The following CATSPERT variants were observed in gnomAD, a reference collection of about 807,000 sequenced individuals.
CATSPERT encodes catsper channel auxiliary subunit tau, also known as cation channel sperm-associated targeting subunit tau.
At chr2:201,574,590 GA>G in the CATSPERT span, among the ~76,000 whole-genome samples, 1 of 152,030 alleles carries the variant, frequency 6.6e-6, no homozygotes, top group African/African-American at 2.4e-5. Context: ...ACATGTGTAT[GA>G]ATATACAAAT....
At chr2:201,598,204 C>G in the CATSPERT span, among the ~76,000 whole-genome samples, 7 of 152,198 alleles carry the variant, frequency 4.6e-5, no homozygotes, top group African/African-American at 1.7e-4. Flanking sequence ...TGGGTGCAAG[C>G]CATCCTCTGC....
the CATSPERT span, among the ~76,000 whole-genome samples, chr2:201,565,235 C>T: frequency 6.6e-6 from 1 of 151,586 alleles, no homozygotes; most frequent in Non-Finnish European, 1.5e-5. Flanking sequence ...CTTTCGGAGG[C>T]TGAGACTGGA....
chr2:201,547,914 GTTA>G, the CATSPERT span, among the ~76,000 whole-genome samples: 2 of 151,886 alleles, frequency 1.3e-5, no homozygotes, highest in Admixed American at 1.3e-4. Context: ...ACACAATGGC[GTTA>G]TTATCATTAT....
At chr2:201,493,458 C>G in the CATSPERT span, 1 of 1,537,134 alleles carries the variant, frequency 6.5e-7, no homozygotes, top group Non-Finnish European at 8.7e-7. Flanking sequence ...AAGTGATCCC[C>G]GTACCCAGCA....
chr2:201,492,164 G>A, the CATSPERT span: 1 of 1,525,070 alleles, frequency 6.6e-7, no homozygotes. Flanking sequence ...AAAGTGGTTT[G>A]TTGAACAATT....
At chr2:201,565,765 A>G in the CATSPERT span, 3 of 1,600,592 alleles carry the variant, frequency 1.9e-6, no homozygotes, top group Non-Finnish European at 1.7e-6. Context: ...TTCAAGTCGC[A>G]CTACAGATGG....
chr2:201,595,160 T>C, the CATSPERT span, among the ~76,000 whole-genome samples: 1 of 151,544 alleles, frequency 6.6e-6, no homozygotes, highest in Admixed American at 6.6e-5. Flanking sequence ...GTTTTTGGTG[T>C]GGATGTCCTT....
the CATSPERT span, among the ~76,000 whole-genome samples, chr2:201,520,307 A>G: frequency 6.6e-6 from 1 of 152,246 alleles, no homozygotes; most frequent in South Asian, 2.1e-4. Flanking sequence ...ACTACATCAT[A>G]GACCAAAGGG....
the CATSPERT span, among the ~76,000 whole-genome samples, chr2:201,600,755 CTTTT>C: frequency 7.0e-6 from 1 of 142,570 alleles, no homozygotes. Context: ...TAATGTCATT[CTTTT>C]TTTTTTTTTT....
the CATSPERT span, among the ~76,000 whole-genome samples, chr2:201,507,879 A>C: frequency 6.6e-6 from 1 of 152,162 alleles, no homozygotes; most frequent in Admixed American, 6.5e-5. Flanking sequence ...GAGCAAGCAA[A>C]GGGGGAAGTG....
the CATSPERT span, among the ~76,000 whole-genome samples, chr2:201,566,418 A>G: frequency 1.5e-5 from 2 of 130,570 alleles, no homozygotes; most frequent in Non-Finnish European, 3.1e-5. Flanking sequence ...AAGTGTTCTC[A>G]TTGTTCAATT....
the CATSPERT span, among the ~76,000 whole-genome samples, chr2:201,574,737 G>A: frequency 6.6e-6 from 1 of 152,124 alleles, no homozygotes; most frequent in African/African-American, 2.4e-5. Flanking sequence ...GGGCATGAGA[G>A]GTAATAAAGT....
chr2:201,611,134 TA>T, the CATSPERT span, among the ~76,000 whole-genome samples: 2 of 151,876 alleles, frequency 1.3e-5, no homozygotes, highest in African/African-American at 4.8e-5. Context: ...AGAAAAAAAA[TA>T]AAAGGCATCC....
chr2:201,529,277 C>G, the CATSPERT span, among the ~76,000 whole-genome samples: 1 of 151,984 alleles, frequency 6.6e-6, no homozygotes, highest in Non-Finnish European at 1.5e-5. Flanking sequence ...CCATAAAATA[C>G]CCCAAACAGC....
At chr2:201,612,884 C>T in the CATSPERT span, among the ~76,000 whole-genome samples, 5 of 152,278 alleles carry the variant, frequency 3.3e-5, no homozygotes, top group South Asian at 2.1e-4. Context: ...CCTTAGCAAA[C>T]GGCACACCAG....
the CATSPERT span, among the ~76,000 whole-genome samples, chr2:201,584,304 T>C: frequency 1.3e-5 from 2 of 150,936 alleles, no homozygotes; most frequent in Non-Finnish European, 1.5e-5. Context: ...AAACTAATAG[T>C]AATAAAATAA....
chr2:201,490,421 A>G, the CATSPERT span, among the ~76,000 whole-genome samples: 789 of 152,344 alleles, frequency 5.2e-3, 4 homozygotes, highest in African/African-American at 8.0e-3. Context: ...TATGAAAAGA[A>G]AATGTCGGCT....
At chr2:201,582,876 C>A in the CATSPERT span, among the ~76,000 whole-genome samples, 4 of 152,086 alleles carry the variant, frequency 2.6e-5, no homozygotes, top group African/African-American at 9.7e-5. Context: ...GAAATCAGAG[C>A]CGATATCAGC....
chr2:201,601,950 T>A, the CATSPERT span: 1 of 1,222,820 alleles, frequency 8.2e-7, no homozygotes, highest in Middle Eastern at 2.8e-4. Context: ...ATTATAAAAT[T>A]AATACATTAA....
Sources: allele counts gnomAD v4.1 joint callset (sites outside exome capture counted in the v4.1 genomes callset), GRCh38; gene constraint gnomAD v4.1.1; transcripts MANE v1.5; gene names NCBI Gene and HGNC (gene_info 2026-07-23, HGNC 2026-07-21).